The following GET1 variants were observed in gnomAD, a reference collection of about 807,000 sequenced individuals.
The protein encoded by GET1 is congenital heart disease 5 protein.
A neutral mutation model predicts 22.6 loss-of-function variants in GET1; 20 were observed. That is an observed-to-expected ratio of 0.89 (90% CI 0.62 to 1.29). The LOEUF is 1.29. Ranked by LOEUF, GET1 falls within the 50% of genes most tolerant of loss-of-function variation. The pLI is 0.00. For synonymous variants in GET1, 92 were observed against 83.8 expected (o/e 1.10, Z -0.53); for missense variants, 209 against 219.9 (o/e 0.95, Z 0.31).
At chr21:39,393,684 G>A (rs1482858564) in intron 4 of GET1, among the ~76,000 whole-genome samples, 10 of 152,014 alleles carry the variant, frequency 6.6e-5, no homozygotes, top group African/African-American at 1.9e-4. Context: ...GTCTCACTCC[G>A]TCACCCAGGC....
chr21:39,384,702 T>G (rs2037776223), intron 1 of GET1, among the ~76,000 whole-genome samples: 1 of 152,096 alleles, frequency 6.6e-6, no homozygotes, highest in African/African-American at 2.4e-5. Context: ...TTAGTTATTT[T>G]TCCTGATTGT....
rs1601661862 is a variant in GET1 at position 39,405,714 on chromosome 21, GATTT to G, written c.350-199_350-196del. The stretch of plus-strand genomic sequence containing the variant: ...TGTTATCATTGGCTAATATAAAATA[GATTT>G]TTTACTAGATTAGCAATCAAACAAA... On this transcript the variant is annotated intron_variant, in intron 4 of 4. Transcript: ENST00000415847. The G allele has an allele frequency of 5.7e-5, 26 of 459,224 alleles. No individual in the cohort carries two copies. In the East Asian group the frequency reaches 9.0e-4, roughly 16 times the overall value. The allele number at this position is 459,224 out of a possible 1,614,324, so 28.4% of individuals were successfully genotyped here.
At chr21:39,417,617 G>T (rs961032843) in intron 1 of GET1, among the ~76,000 whole-genome samples, 1 of 152,140 alleles carries the variant, frequency 6.6e-6, no homozygotes, top group Non-Finnish European at 1.5e-5. Context: ...AAGGGACAGA[G>T]GTTTAATGGA....
chr21:39,417,177 C>T (rs112397418), intron 1 of GET1, among the ~76,000 whole-genome samples: 13 of 152,186 alleles, frequency 8.5e-5, no homozygotes, highest in South Asian at 8.3e-4. Context: ...GGATTACAGG[C>T]GCGCACCACC....
chr21:39,393,762 G>A (rs1028210752), intron 4 of GET1, among the ~76,000 whole-genome samples: 1 of 151,978 alleles, frequency 6.6e-6, no homozygotes, highest in Non-Finnish European at 1.5e-5. Context: ...CAATTCTTAT[G>A]CCTCAGCCTC....
At chr21:39,403,801 T>C (rs2038908723) in intron 4 of GET1, among the ~76,000 whole-genome samples, 2 of 151,738 alleles carry the variant, frequency 1.3e-5, no homozygotes, top group African/African-American at 2.4e-5. Context: ...TTTGTATTTT[T>C]AGTAGAGACG....
At chr21:39,382,110 A>G (rs1266863570) in intron 1 of GET1, among the ~76,000 whole-genome samples, 1 of 149,960 alleles carries the variant, frequency 6.7e-6, no homozygotes, top group Non-Finnish European at 1.5e-5. Flanking sequence ...GTAGGAGTGC[A>G]GTGGCCTGAT....
intron 1 of GET1, among the ~76,000 whole-genome samples, chr21:39,427,095 G>A (rs1014749057): frequency 2.0e-5 from 3 of 152,194 alleles, no homozygotes; most frequent in Admixed American, 2.0e-4. Context: ...CAGCAGACTG[G>A]GGATGCAAGA....
chr21:39,380,588 C>T (rs2037493100), intron 1 of GET1, 102 bp downstream of exon 1: 3 of 1,519,810 alleles, frequency 2.0e-6, no homozygotes, highest in Non-Finnish European at 8.8e-7. Flanking sequence ...GACTGAAGGC[C>T]GTAGTAGCGT....
intron 1 of GET1, among the ~76,000 whole-genome samples, chr21:39,417,449 T>G (rs58265345): frequency 0.32 from 49,250 of 152,154 alleles, 8,908 homozygotes; most frequent in African/African-American, 0.49. Context: ...CCTTCTACTC[T>G]ATTCTCTCTT....
In GET1 at chr21:39,388,968, G is replaced by A. The variant is rs1023013706; in HGVS notation, c.103-1730G>A. Among the ~76,000 whole-genome samples, 10 of 152,136 alleles carry A rather than the reference G, an allele frequency of 6.6e-5. 1 individual carries two copies. The highest frequency in any genetic ancestry group is 1.2e-4 in the Non-Finnish European group (8 of 68,026). On this transcript the variant is annotated intron_variant, in intron 1 of 4. Coordinates refer to ENST00000649170, the MANE Select transcript of GET1 (RefSeq NM_004627.6). ...GGAGCGTGCTTCTTTGTTTATGTCTGTATTTCTCTGCCTATCTGTGGAAAC... is the reference window on the plus strand; with the variant it reads ...GGAGCGTGCTTCTTTGTTTATGTCTATATTTCTCTGCCTATCTGTGGAAAC...
At chr21:39,394,946 T>G (rs2038541829) in intron 4 of GET1, among the ~76,000 whole-genome samples, 1 of 152,110 alleles carries the variant, frequency 6.6e-6, no homozygotes, top group Admixed American at 6.5e-5. Context: ...CATAGCTCAC[T>G]ACAGCCTGGA....
At chr21:39,423,129 A>G in intron 1 of GET1, 1 of 1,613,854 alleles carries the variant, frequency 6.2e-7, no homozygotes. Context: ...CAGTTTCTCT[A>G]AGTTTCCTAG....
At chr21:39,413,051 A>T (rs1468214038) in intron 1 of GET1, among the ~76,000 whole-genome samples, 1 of 152,212 alleles carries the variant, frequency 6.6e-6, no homozygotes, top group Non-Finnish European at 1.5e-5. Context: ...ATCAACAGTC[A>T]GCAGGGGACA....
In GET1 at chr21:39,387,768, C is replaced by G. The variant is rs901693983; in HGVS notation, c.103-2930C>G. On this transcript the variant is annotated intron_variant, in intron 1 of 4. Transcript: ENST00000649170. ...GGGCGGGTCAGAAACCACGCGCATG[C>G]GCAGACACCCTCAGGCGACTGGCGG... is the stretch of plus-strand genomic sequence containing the variant. 1.3e-4 allele frequency: 127 copies of G among 985,156 alleles called. 1 individual carries two copies. In the African/African-American group the frequency reaches 2.0e-3, roughly 16 times the overall value. The allele number at this position is 985,156 out of a possible 1,614,324, so 61.0% of individuals were successfully genotyped here.
intron 1 of GET1, among the ~76,000 whole-genome samples, chr21:39,386,817 T>C (rs1490639541): frequency 2.0e-5 from 3 of 151,828 alleles, no homozygotes; most frequent in Non-Finnish European, 2.9e-5. Flanking sequence ...TGGATTAACA[T>C]TGATACATAT....
exon 5 of GET1, chr21:39,406,156 T>A: frequency 6.2e-7 from 1 of 1,614,272 alleles, no homozygotes; most frequent in Non-Finnish European, 8.5e-7. Context: ...TCTGGAAGAC[T>A]TACCAAATGA....
At chr21:39,395,431 C>T (rs1474115282) in intron 4 of GET1, among the ~76,000 whole-genome samples, 1 of 151,482 alleles carries the variant, frequency 6.6e-6, no homozygotes, top group African/African-American at 2.4e-5. Context: ...GTGGTGTGAT[C>T]TCTGCTCACT....
intron 1 of GET1, among the ~76,000 whole-genome samples, chr21:39,424,386 C>T (rs377048797): frequency 6.0e-4 from 92 of 152,220 alleles, no homozygotes; most frequent in African/African-American, 1.9e-3. Context: ...GAAGCCTTGG[C>T]GGGAGGATCC....
Sources: gnomAD v4.1 joint callset for allele counts (sites outside exome capture counted in the v4.1 genomes callset) on GRCh38, gnomAD v4.1.1 for gene constraint, MANE v1.5 for transcripts, NCBI Gene and HGNC (gene_info 2026-07-23, HGNC 2026-07-21) for gene names.